FKTN: variants seen among roughly 807,000 people sequenced by gnomAD.
The protein encoded by FKTN is ribitol-5-phosphate transferase FKTN.
Under a neutral mutation model 58.6 loss-of-function variants are expected in FKTN, and 47 were observed. The ratio of observed to expected loss-of-function variants is 0.80; its 90% CI spans 0.63 to 1.02. The LOEUF (loss-of-function observed/expected upper bound fraction) is 1.02, where lower values mean the gene tolerates loss of function less well. Ranked by LOEUF, FKTN falls within the 50% of genes least tolerant of loss-of-function variation. The pLI is 0.00. For missense variants in FKTN, 516 were observed against 537.3 expected (o/e 0.96, Z 0.39); for synonymous variants, 178 against 191.9 (o/e 0.93, Z 0.60).
intron 2 of FKTN, chr9:105,574,303 G>A (rs1299673938): frequency 6.6e-6 from 1 of 152,014 alleles, no homozygotes; most frequent in African/African-American, 2.4e-5. Context: ...AACTAAATGT[G>A]TTTAACCAAA....
chr9:105,562,089 T>C (rs1838401110), intron 1 of FKTN, among the ~76,000 whole-genome samples: 1 of 152,244 alleles, frequency 6.6e-6, no homozygotes, highest in Non-Finnish European at 1.5e-5. Flanking sequence ...CAGAGCATAT[T>C]TGAATGTCAG....
chr9:105,571,313 C>T (rs557092296), intron 1 of FKTN, among the ~76,000 whole-genome samples: 2 of 152,106 alleles, frequency 1.3e-5, no homozygotes, highest in East Asian at 3.9e-4. Context: ...TTCAGTGTCA[C>T]ATTATTCATT....
intron 10 of FKTN, among the ~76,000 whole-genome samples, chr9:105,627,408 T>C (rs1832878773): frequency 6.6e-6 from 1 of 152,224 alleles, no homozygotes; most frequent in Non-Finnish European, 1.5e-5. Flanking sequence ...GCTATTCCTC[T>C]TGTACTACCT....
At chr9:105,578,202 C>G (rs1282779243) in intron 3 of FKTN, among the ~76,000 whole-genome samples, 7 of 149,772 alleles carry the variant, frequency 4.7e-5, no homozygotes, top group Non-Finnish European at 7.4e-5. Flanking sequence ...ACTTCCAACA[C>G]TATGTTGAAT....
chr9:105,581,117 C>T (rs1842796026), intron 3 of FKTN, among the ~76,000 whole-genome samples: 1 of 149,234 alleles, frequency 6.7e-6, no homozygotes, highest in Middle Eastern at 3.4e-3. Context: ...TTTGAATGTC[C>T]TCCCGTAGCT....
At chr9:105,608,036 C>T in intron 7 of FKTN, 85 bp downstream of exon 7, 1 of 1,120,186 alleles carries the variant, frequency 8.9e-7, no homozygotes, top group East Asian at 2.4e-5. Flanking sequence ...GATGAAGGGG[C>T]TTATGGAAAA....
intron 7 of FKTN, among the ~76,000 whole-genome samples, chr9:105,612,334 A>G (rs1026605167): frequency 2.0e-5 from 3 of 152,054 alleles, no homozygotes; most frequent in Non-Finnish European, 4.4e-5. Flanking sequence ...CCCATTCCAT[A>G]GGTTATATGT....
rs377417974 is a variant in FKTN at position 105,607,937 on chromosome 9, C to T, written c.766C>T (p.Arg256Ter). 14 of 1,611,734 alleles carry T rather than the reference C, an allele frequency of 8.7e-6. No homozygotes were observed. Among genetic ancestry groups the T allele is most frequent in the African/African-American group, 6.7e-5 (5 of 74,802 alleles). The change falls in exon 7 of 11, where the codon CGA (arginine) becomes TGA (stop). Residue 256 changes from arginine to a stop codon, truncating the protein, a stop_gained. Coordinates refer to ENST00000357998, the MANE Select transcript of FKTN (RefSeq NM_001079802.2). LOFTEE classifies it high-confidence loss of function. The stretch of plus-strand genomic sequence containing the variant: ...TATTGAGTGTAGGTATAAAGAAGCT[C>T]GAGCATTCTTTCAGGTTAGAGACAA... The part of the protein sequence containing the change: ...RFIECRYKEA[R>*]AFFQQYLDDN...
intron 3 of FKTN, among the ~76,000 whole-genome samples, chr9:105,586,681 C>T (rs1843971133): frequency 6.6e-6 from 1 of 152,142 alleles, no homozygotes; most frequent in Non-Finnish European, 1.5e-5. Flanking sequence ...TCACTTTGAG[C>T]ACCAGTTTCT....
rs544167955 is a variant in FKTN, at chr9:105,581,820, T to C, written c.105+6683T>C. Among the ~76,000 whole-genome samples, 122 of 152,244 alleles carry C rather than the reference T, an allele frequency of 8.0e-4. 2 individuals carry two copies. The highest frequency in any genetic ancestry group is 3.4e-3 in the Middle Eastern group (1 of 294). On this transcript the variant is annotated intron_variant, in intron 3 of 10. Transcript: ENST00000357998. ...ACTGCTGGGCTAGCAATCAGCGAGA[T>C]TCCGTGGGCGTAGGACCCTCCGAGC...
Position 105,637,310 on chromosome 9 carries a change from A to G in FKTN, c.*2046A>G. 1.0e-6 allele frequency: 1 copy of G among 985,340 alleles called. No individual in the cohort carries two copies. Among genetic ancestry groups the G allele is most frequent in the Non-Finnish European group, 1.2e-6 (1 of 829,888 alleles). 61.0% of individuals were successfully genotyped at this position (985,340 alleles called of 1,614,324 possible). ...ATCTTTTATCCTTTCCTGAAGTACAAAGTCTTAAGAGTGTCTGAAATCCAA... is the reference window on the plus strand; with the variant it reads ...ATCTTTTATCCTTTCCTGAAGTACAGAGTCTTAAGAGTGTCTGAAATCCAA... On this transcript the variant is annotated 3_prime_UTR_variant, in exon 11 of 11. Coordinates refer to ENST00000357998, the MANE Select transcript of FKTN (RefSeq NM_001079802.2).
chr9:105,583,388 C>G (rs57391795), intron 3 of FKTN, among the ~76,000 whole-genome samples: 1,870 of 152,234 alleles, frequency 0.012, 53 homozygotes, highest in African/African-American at 0.043. Flanking sequence ...CCCAAAACCT[C>G]ATTCATTAAT....
intron 10 of FKTN, among the ~76,000 whole-genome samples, chr9:105,628,930 AG>A (rs1451425604): frequency 6.6e-6 from 1 of 152,210 alleles, no homozygotes; most frequent in African/African-American, 2.4e-5. Flanking sequence ...TTGACTGACA[AG>A]GGGCACAGGG....
intron 6 of FKTN, among the ~76,000 whole-genome samples, chr9:105,607,528 T>A (rs1275518486): frequency 6.6e-6 from 1 of 152,048 alleles, no homozygotes; most frequent in Non-Finnish European, 1.5e-5. Context: ...GATGTTTAGG[T>A]ATTTTGCTAA....
chr9:105,562,340 T>A (rs2131670322), intron 1 of FKTN, among the ~76,000 whole-genome samples: 1 of 152,264 alleles, frequency 6.6e-6, no homozygotes, highest in Non-Finnish European at 1.5e-5. Flanking sequence ...GGGGATGTGA[T>A]GATAAGGGTG....
chr9:105,594,516 G>C (rs1478883068), intron 3 of FKTN, among the ~76,000 whole-genome samples: 1 of 152,214 alleles, frequency 6.6e-6, no homozygotes, highest in African/African-American at 2.4e-5. Context: ...CCAGCACTTT[G>C]GGAGGCGGAA....
intron 7 of FKTN, among the ~76,000 whole-genome samples, chr9:105,614,845 A>T (rs1488282881): frequency 6.6e-6 from 1 of 151,566 alleles, no homozygotes; most frequent in Non-Finnish European, 1.5e-5. Context: ...ATATAAAAAG[A>T]TTATATGGGG....
intron 7 of FKTN, among the ~76,000 whole-genome samples, chr9:105,612,935 A>G (rs1446052834): frequency 6.6e-6 from 1 of 152,146 alleles, no homozygotes; most frequent in African/African-American, 2.4e-5. Flanking sequence ...CCTAAATTCC[A>G]GCCTGGGCAA....
chr9:105,639,011 A>G lies in FKTN; in HGVS notation c.*3747A>G. 2 of 985,350 alleles carry G rather than the reference A, an allele frequency of 2.0e-6. No homozygotes were observed. The highest frequency in any genetic ancestry group is 2.4e-6 in the Non-Finnish European group (2 of 829,886). The allele number at this position is 985,350 out of a possible 1,614,324, so 61.0% of individuals were successfully genotyped here. ...AAATCTCACCCAAACTTATGGCTAC[A>G]TATTTTTCTAAGTTTCCCCCCTAGT... On this transcript the variant is annotated 3_prime_UTR_variant, in exon 11 of 11. Transcript: ENST00000357998.
Sources: allele counts gnomAD v4.1 joint callset (sites outside exome capture counted in the v4.1 genomes callset), GRCh38; gene constraint gnomAD v4.1.1; transcripts MANE v1.5; gene names NCBI Gene and HGNC (gene_info 2026-07-23, HGNC 2026-07-21).